The following SRGAP1 variants were observed in gnomAD, a reference collection of about 807,000 sequenced individuals.
SRGAP1 encodes SLIT-ROBO Rho GTPase-activating protein 1.
In SRGAP1, 43 loss-of-function variants were observed where a neutral mutation model predicts 121.9. The ratio of observed to expected loss-of-function variants is 0.35; its 90% confidence interval spans 0.28 to 0.46. The LOEUF (loss-of-function observed/expected upper bound fraction) is 0.46, where lower values mean the gene tolerates loss of function less well. Ranked by LOEUF, SRGAP1 falls within the 20% of genes least tolerant of loss-of-function variation. The pLI is 1.00. For synonymous variants in SRGAP1, 447 were observed against 485.4 expected, an observed-to-expected ratio of 0.92 and a Z score of 1.04; for missense variants, 1,102 against 1,350.9, an observed-to-expected ratio of 0.82 and a Z score of 2.89.
chr12:63,850,837 T>C (rs1565920083), intron 1 of SRGAP1, among the ~76,000 whole-genome samples: 1 of 152,192 alleles, frequency 6.6e-6, no homozygotes, highest in Non-Finnish European at 1.5e-5. Flanking sequence ...CTATTTATGC[T>C]TTAGCAGTTT....
At chr12:63,928,295 C>A (rs372382820) in intron 1 of SRGAP1, among the ~76,000 whole-genome samples, 1 of 152,064 alleles carries the variant, frequency 6.6e-6, no homozygotes, top group Non-Finnish European at 1.5e-5. Context: ...TATATACCTA[C>A]CCTATGATCC....
At chr12:64,141,028 A>C (rs1364595213) in intron 21 of SRGAP1, among the ~76,000 whole-genome samples, 1 of 128,046 alleles carries the variant, frequency 7.8e-6, no homozygotes, top group Non-Finnish European at 1.6e-5. Flanking sequence ...AAGAACAAAA[A>C]ACCAAACACC....
At chr12:64,101,133 CT>C (rs540334438) in intron 15 of SRGAP1, among the ~76,000 whole-genome samples, 22 of 143,180 alleles carry the variant, frequency 1.5e-4, no homozygotes, top group Middle Eastern at 3.8e-3. Flanking sequence ...GTTTTTACCC[CT>C]GTCATCTTGT....
intron 6 of SRGAP1, among the ~76,000 whole-genome samples, chr12:64,051,209 CATT>C (rs2136518780): frequency 6.6e-6 from 1 of 152,316 alleles, no homozygotes; most frequent in East Asian, 1.9e-4. Context: ...TAGAATACAT[CATT>C]AAGTGTGTTG....
chr12:64,110,288 A>G (rs889127342), intron 16 of SRGAP1, among the ~76,000 whole-genome samples: 1 of 152,198 alleles, frequency 6.6e-6, no homozygotes, highest in Non-Finnish European at 1.5e-5. Flanking sequence ...ACTGTGAACT[A>G]ATAATCCATA....
At chr12:64,000,275 T>TGTA (rs1555163998) in intron 3 of SRGAP1, among the ~76,000 whole-genome samples, 450 of 133,338 alleles carry the variant, frequency 3.4e-3, no homozygotes, top group African/African-American at 9.0e-3. Flanking sequence ...TGTGTGTGTG[T>TGTA]AAAAAAAAAA....
At chr12:63,998,799 G>C (rs1027438373) in intron 3 of SRGAP1, among the ~76,000 whole-genome samples, 2 of 152,128 alleles carry the variant, frequency 1.3e-5, no homozygotes, top group Non-Finnish European at 2.9e-5. Context: ...GCAGGAATAA[G>C]TATGAATAAA....
intron 1 of SRGAP1, chr12:63,888,498 T>C (rs1900468017): frequency 6.6e-6 from 1 of 152,170 alleles, no homozygotes. Context: ...GATCACATGG[T>C]TGGACATGTT....
chr12:63,928,334 A>T (rs556049598), intron 1 of SRGAP1, among the ~76,000 whole-genome samples: 1 of 152,360 alleles, frequency 6.6e-6, no homozygotes, highest in African/African-American at 2.4e-5. Flanking sequence ...CATTTAACCA[A>T]GAGAAATGAA....
Position 64,097,370 on chromosome 12 carries a change from G to T in SRGAP1, c.1808G>T (p.Cys603Phe), listed in dbSNP as rs752160125. The T allele has an allele frequency of 6.2e-7, 1 of 1,603,962 alleles. No individual in the cohort carries two copies. Among genetic ancestry groups the T allele is most frequent in the Non-Finnish European group, 8.5e-7 (1 of 1,177,630 alleles). The change falls in exon 15 of 22, where the codon TGT (cysteine) becomes TTT (phenylalanine). Residue 603 changes from cysteine (C) to phenylalanine (F), a missense_variant. Cys to Phe is a radical substitution (Grantham distance 205). This residue lies in a region of SRGAP1 where 747 missense variants were observed against 929.4 expected (regional missense o/e 0.80). Transcript: ENST00000355086. ...GAAAGATTTAACGATCTGATTTCTTGTATCAGTAAGTGGACATTTTTTTCA... is the reference window on the plus strand; with the variant it reads ...GAAAGATTTAACGATCTGATTTCTTTTATCAGTAAGTGGACATTTTTTTCA... ...PKERFNDLIS[C>F]IRIDNLYERA...
intron 11 of SRGAP1, among the ~76,000 whole-genome samples, chr12:64,087,975 A>G (rs55843457): frequency 0.11 from 17,060 of 152,210 alleles, 1,156 homozygotes; most frequent in South Asian, 0.25. Flanking sequence ...TTATTTTTCT[A>G]TGTCACCATT....
chr12:64,143,661 C>G lies in SRGAP1; in HGVS notation c.*989C>G, dbSNP rs557157441. Reference sequence around the variant, plus strand: ...AGGTTCCTTTAAACATGCTACAAAGCCCAGGCATGGTGGTGCACACCTGTA... The same window carrying G: ...AGGTTCCTTTAAACATGCTACAAAGGCCAGGCATGGTGGTGCACACCTGTA... On this transcript the variant is annotated 3_prime_UTR_variant, in exon 22 of 22. Coordinates refer to ENST00000355086, the MANE Select transcript of SRGAP1 (RefSeq NM_020762.4). The G allele has an allele frequency of 6.6e-6, 1 of 152,254 alleles. No individual in the cohort carries two copies. The highest frequency in any genetic ancestry group is 2.1e-4 in the South Asian group (1 of 4,824). 9.4% of individuals were successfully genotyped at this position (152,254 alleles called of 1,614,324 possible).
intron 15 of SRGAP1, among the ~76,000 whole-genome samples, chr12:64,102,340 T>C (rs2036269706): frequency 1.3e-5 from 2 of 152,240 alleles, no homozygotes; most frequent in Non-Finnish European, 2.9e-5. Flanking sequence ...GTGATAACGT[T>C]TTTAGTATCT....
intron 1 of SRGAP1, among the ~76,000 whole-genome samples, chr12:63,903,034 A>T (rs1160728825): frequency 6.6e-6 from 1 of 152,026 alleles, no homozygotes; most frequent in Admixed American, 6.6e-5. Flanking sequence ...CAGGTACTGT[A>T]TGTCTGAAAT....
chr12:64,110,213 G>A (rs1234433752), intron 16 of SRGAP1, among the ~76,000 whole-genome samples: 1 of 152,130 alleles, frequency 6.6e-6, no homozygotes, highest in Non-Finnish European at 1.5e-5. Flanking sequence ...GGAGTACCTT[G>A]CATTCCTGCT....
Position 64,142,328 on chromosome 12 carries a change from G to A in SRGAP1, c.2914G>A (p.Glu972Lys). Residue 972 changes from glutamate (E) to lysine (K), a missense_variant, in exon 22 of 22, where the codon GAA (glutamate) becomes AAA (lysine). Around this residue, in one of 3 missense-constraint regions of SRGAP1, gnomAD observed 315 missense variants for 343.1 expected, o/e 0.92. Coordinates refer to ENST00000355086, the MANE Select transcript of SRGAP1 (RefSeq NM_020762.4). ...AGAAACGATGAACACAGCTTTGAAT[G>A]AACTCCGAGAACTGGAGAGACAGAG... is the stretch of plus-strand genomic sequence containing the variant. Reference protein sequence around the residue: ...IEETMNTALNELRELERQSTA... With the variant: ...IEETMNTALNKLRELERQSTA... 1.2e-6 allele frequency: 2 copies of A among 1,614,018 alleles called. No individual in the cohort carries two copies. Among genetic ancestry groups the A allele is most frequent in the Non-Finnish European group, 1.7e-6 (2 of 1,179,952 alleles).
chr12:63,954,190 A>G (rs1285488521), intron 1 of SRGAP1, among the ~76,000 whole-genome samples: 1 of 152,182 alleles, frequency 6.6e-6, no homozygotes, highest in African/African-American at 2.4e-5. Context: ...TAGGAGAAAA[A>G]GGTTGTAGTT....
chr12:64,006,270 T>C (rs2034078799), intron 3 of SRGAP1, among the ~76,000 whole-genome samples: 1 of 152,122 alleles, frequency 6.6e-6, no homozygotes, highest in Admixed American at 6.5e-5. Context: ...ATCTAGGAAA[T>C]GAAGCTAGAG....
intron 9 of SRGAP1, among the ~76,000 whole-genome samples, chr12:64,079,659 C>T (rs1257850800): frequency 6.6e-6 from 1 of 151,954 alleles, no homozygotes; most frequent in Non-Finnish European, 1.5e-5. Flanking sequence ...GCACTCCAGC[C>T]TGGGCAAGAG....
Sources: allele counts gnomAD v4.1 joint callset (sites outside exome capture counted in the v4.1 genomes callset), GRCh38; gene constraint gnomAD v4.1.1; regional missense constraint gnomAD v4.1.1; transcripts MANE v1.5; gene names NCBI Gene and HGNC (gene_info 2026-07-23, HGNC 2026-07-21).